The following ORC4 variants were observed in gnomAD, a reference collection of about 807,000 sequenced individuals.
ORC4 encodes origin recognition complex subunit 4.
A neutral mutation model predicts 63.9 loss-of-function variants in ORC4; 55 were observed. The observed-to-expected ratio is 0.86, with a 90% CI of 0.69 to 1.08. ORC4 has a LOEUF of 1.08. ORC4 is among the 50% of genes least tolerant of loss of function. ORC4 has a pLI of 0.00. For missense variants in ORC4, 511 were observed against 504.4 expected, an observed-to-expected ratio of 1.01 and a Z score of -0.13; for synonymous variants, 150 against 168.5, an observed-to-expected ratio of 0.89 and a Z score of 0.85.
Position 147,933,978 on chromosome 2 carries a change from TTTTATTCCAC to T in ORC4, c.*1522_*1531del, listed in dbSNP as rs1365469997. 6.6e-6 allele frequency: 1 copy of T among 152,170 alleles called. No homozygotes were observed. Among genetic ancestry groups the T allele is most frequent in the Non-Finnish European group, 1.5e-5 (1 of 68,026 alleles). 9.4% of individuals were successfully genotyped at this position (152,170 alleles called of 1,614,324 possible). A position where few individuals can be genotyped will look rare whatever the true frequency, so the allele number is the denominator to read the frequency against. On this transcript the variant is annotated 3_prime_UTR_variant, in exon 14 of 14. Transcript: ENST00000392857. ...AAGAGCTACTTTATGCTCAGAAACC[TTTTATTCCAC>T]TTTGTATCCAAGATTTCATTAAAAC...
At chr2:147,957,257 A>C (rs994649454) in intron 6 of ORC4, among the ~76,000 whole-genome samples, 3 of 147,500 alleles carry the variant, frequency 2.0e-5, no homozygotes, top group Non-Finnish European at 4.5e-5. Flanking sequence ...AATTTTATAG[A>C]GTATATAATT....
At chr2:147,979,465 C>T (rs1022604526) in intron 1 of ORC4, among the ~76,000 whole-genome samples, 15 of 152,024 alleles carry the variant, frequency 9.9e-5, no homozygotes, top group Admixed American at 9.8e-4. Context: ...AAATATACTC[C>T]ATGTTCATGG....
intron 13 of ORC4, 130 bp downstream of exon 13, chr2:147,938,016 T>A: frequency 1.4e-6 from 1 of 716,748 alleles, no homozygotes; most frequent in South Asian, 1.7e-5. Flanking sequence ...TTTTAGATAA[T>A]TTTCTTGTTT....
chr2:147,958,338 C>T lies in ORC4; in HGVS notation c.347G>A (p.Arg116Lys), dbSNP rs1221060917. Reference sequence around the variant, plus strand: ...AACTACATTTTCCAGATTTAACTGCCTTGTGATTTCCTTTAGGGCGATTTT... The same window carrying T: ...AACTACATTTTCCAGATTTAACTGCTTTGTGATTTCCTTTAGGGCGATTTT... ...NDKIALKEIT[R>K]QLNLENVVGD... The change falls in exon 6 of 14, where the codon AGG (arginine) becomes AAG (lysine). Residue 116 changes from arginine (R) to lysine (K), a missense_variant. Coordinates refer to ENST00000392857, the MANE Select transcript of ORC4 (RefSeq NM_181741.4). 1.2e-5 allele frequency: 20 copies of T among 1,612,264 alleles called. 1 individual carries two copies. In the Middle Eastern group the frequency reaches 1.8e-3, roughly 146 times the overall value.
chr2:147,935,208 G>A lies in ORC4; in HGVS notation c.*302C>T, dbSNP rs1687982073. 3.1e-6 allele frequency: 1 copy of A among 324,048 alleles called. No homozygotes were observed. Among genetic ancestry groups the A allele is most frequent in the Non-Finnish European group, 5.8e-6 (1 of 172,264 alleles). 20.1% of individuals were successfully genotyped at this position (324,048 alleles called of 1,614,324 possible). ...AGACATCTAGCTGTTAGGTTGAAGT[G>A]AGCTCTTCAAATAGACCATTATATA... is the stretch of plus-strand genomic sequence containing the variant. On this transcript the variant is annotated 3_prime_UTR_variant, in exon 14 of 14. Coordinates refer to ENST00000392857, the MANE Select transcript of ORC4 (RefSeq NM_181741.4).
chr2:147,975,208 T>C (rs1404730373), intron 2 of ORC4, among the ~76,000 whole-genome samples: 2 of 152,114 alleles, frequency 1.3e-5, no homozygotes, highest in African/African-American at 4.8e-5. Flanking sequence ...TCCCTACTAA[T>C]CTATAAGCTT....
intron 10 of ORC4, among the ~76,000 whole-genome samples, chr2:147,940,437 T>C (rs1034085777): frequency 2.0e-5 from 3 of 152,072 alleles, no homozygotes; most frequent in Admixed American, 6.6e-5. Flanking sequence ...AAGTTATTAT[T>C]TGAAAAAGAA....
chr2:147,946,084 T>C (rs1166589236), intron 9 of ORC4, among the ~76,000 whole-genome samples: 2 of 152,040 alleles, frequency 1.3e-5, no homozygotes, highest in African/African-American at 4.8e-5. Context: ...GTCCAGAAAG[T>C]AGATTAGTTA....
chr2:147,958,000 G>C (rs1366168708), intron 6 of ORC4, among the ~76,000 whole-genome samples: 1 of 152,048 alleles, frequency 6.6e-6, no homozygotes, highest in Non-Finnish European at 1.5e-5. Context: ...TCTATCTCCA[G>C]AGATACAGAA....
At chr2:147,940,009 T>C (rs1177685775) in intron 10 of ORC4, among the ~76,000 whole-genome samples, 1 of 152,108 alleles carries the variant, frequency 6.6e-6, no homozygotes, top group Non-Finnish European at 1.5e-5. Context: ...GGGATATAAT[T>C]ATCCAAGAAA....
intron 1 of ORC4, among the ~76,000 whole-genome samples, chr2:147,982,801 G>C (rs1690968260): frequency 6.6e-6 from 1 of 152,094 alleles, no homozygotes; most frequent in Non-Finnish European, 1.5e-5. Flanking sequence ...TAGTACAGAT[G>C]AGACAAGCTT....
chr2:147,932,220 A>G lies in ORC4; in HGVS notation c.*3290T>C, dbSNP rs1687807814. ...CCCATTCACAATTGCTTCAAAGAGA[A>G]TAAAATACCTAGGAATCCAACTTAC... On this transcript the variant is annotated 3_prime_UTR_variant, in exon 14 of 14. Coordinates refer to ENST00000392857, the MANE Select transcript of ORC4 (RefSeq NM_181741.4). 1 of 151,638 alleles carries G rather than the reference A, an allele frequency of 6.6e-6. No homozygotes were observed. The highest frequency in any genetic ancestry group is 2.4e-5 in the African/African-American group (1 of 41,188). 9.4% of individuals were successfully genotyped at this position (151,638 alleles called of 1,614,324 possible).
intron 1 of ORC4, among the ~76,000 whole-genome samples, chr2:148,013,703 T>C (rs899111814): frequency 5.3e-5 from 8 of 152,122 alleles, no homozygotes; most frequent in Admixed American, 4.6e-4. Flanking sequence ...TATGTATCCA[T>C]AGTAATTAAA....
At chr2:147,953,606 G>T (rs6731371) in intron 7 of ORC4, among the ~76,000 whole-genome samples, 94,332 of 151,914 alleles carry the variant, frequency 0.62, 29,921 homozygotes, top group Middle Eastern at 0.76. Context: ...AAACAAACTT[G>T]TAGATTATAA....
chr2:148,021,463 TTGCTGCTGC>T (rs569896406), upstream of ORC4: 1 of 573,876 alleles, frequency 1.7e-6, no homozygotes, highest in South Asian at 1.5e-5. Flanking sequence ...GCTGCTGCTG[TTGCTGCTGC>T]TGCTGCTGTT....
chr2:147,972,044 T>C (rs1690243987), intron 4 of ORC4, among the ~76,000 whole-genome samples: 1 of 152,088 alleles, frequency 6.6e-6, no homozygotes, highest in South Asian at 2.1e-4. Context: ...TGAGAACAGA[T>C]TTTACACAGA....
intron 1 of ORC4, among the ~76,000 whole-genome samples, chr2:147,996,218 C>A: frequency 6.6e-6 from 1 of 152,016 alleles, no homozygotes; most frequent in South Asian, 2.1e-4. Context: ...GCAGGAGAAC[C>A]ACTTGAACCC....
At chr2:147,961,722 A>G (rs1287346437) in intron 4 of ORC4, among the ~76,000 whole-genome samples, 5 of 152,164 alleles carry the variant, frequency 3.3e-5, no homozygotes, top group Non-Finnish European at 7.4e-5. Context: ...AGGCACCACA[A>G]TAGGGCTCTG....
chr2:147,937,319 T>C (rs556328381), intron 13 of ORC4, among the ~76,000 whole-genome samples: 124 of 152,256 alleles, frequency 8.1e-4, no homozygotes, highest in African/African-American at 2.6e-3. Flanking sequence ...CTTCAATGTG[T>C]GACTCAATTT....
Sources: allele counts gnomAD v4.1 joint callset (sites outside exome capture counted in the v4.1 genomes callset), GRCh38; gene constraint gnomAD v4.1.1; transcripts MANE v1.5; gene names NCBI Gene and HGNC (gene_info 2026-07-23, HGNC 2026-07-21).